The following EFTUD2 variants were observed in gnomAD, a reference collection of about 807,000 sequenced individuals.
The protein encoded by EFTUD2 is 116 kDa U5 small nuclear ribonucleoprotein component.
Under a neutral mutation model 114.3 loss-of-function variants are expected in EFTUD2, and 9 were observed. The ratio of observed to expected loss-of-function variants is 0.08; its 90% CI spans 0.05 to 0.14. The LOEUF is 0.14. Among genes scored for constraint, EFTUD2 ranks in the 10% least tolerant of loss-of-function variants. The probability of loss-of-function intolerance (pLI) is 1.00; values close to 1 mark genes in which losing one functional copy is unlikely to be tolerated. For synonymous variants in EFTUD2, 449 were observed against 462.3 expected (o/e 0.97, Z 0.37); for missense variants, 765 against 1,241.2 (o/e 0.62, Z 5.76).
At position 44,876,855 on chromosome 17, in the gene EFTUD2, C is replaced by CAAAAAAAAA. The variant is rs58892812; in HGVS notation, c.703-764_703-756dup. Among the ~76,000 whole-genome samples, 12 of 48,234 alleles carry CAAAAAAAAA rather than the reference C, an allele frequency of 2.5e-4. 1 individual carries two copies. Among genetic ancestry groups the CAAAAAAAAA allele is most frequent in the South Asian group, 1.0e-3 (1 of 986 alleles). 31.6% of individuals were successfully genotyped at this position (48,234 alleles called of 152,430 possible). ...TGGGCGACAGAGTGAGACTCCGTCT[C>CAAAAAAAAA]AAAAAAAAAAAAAAAAAAAAAAAAA... is the stretch of plus-strand genomic sequence containing the variant. On this transcript the variant is annotated intron_variant, in intron 9 of 27. Transcript: ENST00000426333.
At chr17:44,893,323 G>A (rs1280116940) in intron 2 of EFTUD2, among the ~76,000 whole-genome samples, 2 of 152,174 alleles carry the variant, frequency 1.3e-5, no homozygotes, top group Middle Eastern at 3.4e-3. Flanking sequence ...GGGTTTCACC[G>A]TATTGGTCAG....
Position 44,872,445 on chromosome 17 carries a change from C to T in EFTUD2, c.994+1G>A. On this transcript the variant is annotated splice_donor_variant, in intron 11 of 27. Coordinates refer to ENST00000426333, the MANE Select transcript of EFTUD2 (RefSeq NM_004247.4). LOFTEE classifies it high-confidence loss of function. ...GAGACAGACTGCCAGCCAGCGCTTA[C>T]CAAAGGTGTCGGCATAGATCTTGGC... 1 of 1,612,208 alleles carries T rather than the reference C, an allele frequency of 6.2e-7. No individual in the cohort carries two copies. Among genetic ancestry groups the T allele is most frequent in the Non-Finnish European group, 8.5e-7 (1 of 1,178,808 alleles).
At chr17:44,877,407 A>G (rs1382052602) in intron 9 of EFTUD2, among the ~76,000 whole-genome samples, 5 of 152,228 alleles carry the variant, frequency 3.3e-5, no homozygotes, top group African/African-American at 1.2e-4. Context: ...CGGAATCCAT[A>G]AGGACAGTAA....
intron 8 of EFTUD2, 104 bp downstream of exon 8, chr17:44,880,450 A>AT (rs2051052663): frequency 1.4e-6 from 1 of 739,730 alleles, no homozygotes; most frequent in Non-Finnish European, 2.3e-6. Flanking sequence ...AGGTGAGGGA[A>AT]TGTAAAAACA....
intron 11 of EFTUD2, among the ~76,000 whole-genome samples, chr17:44,869,154 T>C (rs1470463547): frequency 6.6e-6 from 1 of 152,210 alleles, no homozygotes. Context: ...AATTTTCAGC[T>C]AAACTCAAAA....
intron 9 of EFTUD2, 32 bp downstream of exon 9, chr17:44,879,524 G>A (rs372100750): frequency 1.2e-5 from 19 of 1,610,184 alleles, no homozygotes; most frequent in Non-Finnish European, 1.5e-5. Context: ...CATAACAGGT[G>A]GATGAGATTC....
chr17:44,892,949 A>T lies in EFTUD2; in HGVS notation c.105+1468T>A, dbSNP rs79470882. ...GACTGTAAACCTTATTTTCAAAAAG[A>T]AAAAAAAATGCTGGTTTATAAGACA... On this transcript the variant is annotated intron_variant, in intron 2 of 27. Coordinates refer to ENST00000426333, the MANE Select transcript of EFTUD2 (RefSeq NM_004247.4). 8.9e-3 allele frequency among the ~76,000 whole-genome samples: 1,343 copies of T among 151,616 alleles called. 17 individuals carry two copies. Among genetic ancestry groups the T allele is most frequent in the African/African-American group, 0.03 (1,258 of 41,330 alleles).
chr17:44,886,940 G>A (rs2145559763), intron 2 of EFTUD2, among the ~76,000 whole-genome samples, 190 bp from the exon 3 acceptor site: 1 of 152,264 alleles, frequency 6.6e-6, no homozygotes, highest in Middle Eastern at 3.4e-3. Context: ...CGAGGCCATG[G>A]ACAGTGCTCC....
At chr17:44,853,848 C>G (rs2050499663) in intron 23 of EFTUD2, 1 of 1,411,564 alleles carries the variant, frequency 7.1e-7, no homozygotes, top group African/African-American at 1.4e-5. Flanking sequence ...TTGCTTCAGG[C>G]CATGCTCAGA....
chr17:44,893,324 T>C (rs1478117756), intron 2 of EFTUD2, among the ~76,000 whole-genome samples: 3 of 152,160 alleles, frequency 2.0e-5, no homozygotes, highest in Non-Finnish European at 4.4e-5. Context: ...GGTTTCACCG[T>C]ATTGGTCAGG....
chr17:44,873,247 C>G (rs553997550), intron 10 of EFTUD2: 2 of 152,314 alleles, frequency 1.3e-5, no homozygotes, highest in Admixed American at 1.3e-4. Flanking sequence ...GCACTCTACC[C>G]CCAAGTTATG....
At chr17:44,861,192 G>C (rs2050652689) in intron 16 of EFTUD2, among the ~76,000 whole-genome samples, 1 of 152,164 alleles carries the variant, frequency 6.6e-6, no homozygotes, top group African/African-American at 2.4e-5. Context: ...TATAATCCCA[G>C]TGCTTTGGGA....
At chr17:44,863,608 G>C in intron 15 of EFTUD2, 47 bp downstream of exon 15, 1 of 1,593,988 alleles carries the variant, frequency 6.3e-7, no homozygotes, top group Non-Finnish European at 8.6e-7. Context: ...TCCCCACACA[G>C]GAAGGGGAAA....
chr17:44,875,357 T>C (rs1368661832), intron 10 of EFTUD2, among the ~76,000 whole-genome samples: 2 of 151,974 alleles, frequency 1.3e-5, no homozygotes, highest in Admixed American at 6.6e-5. Flanking sequence ...AGTGAAACCC[T>C]GTCTCTACTA....
chr17:44,877,799 C>G (rs919850843), intron 9 of EFTUD2, among the ~76,000 whole-genome samples: 3 of 147,264 alleles, frequency 2.0e-5, no homozygotes, highest in African/African-American at 7.6e-5. Context: ...GAGCAAGACT[C>G]CATCTCAAAA....
At chr17:44,883,791 G>C (rs2051116147) in intron 4 of EFTUD2, 67 bp from the exon 5 acceptor site, 3 of 1,518,038 alleles carry the variant, frequency 2.0e-6, no homozygotes, top group Non-Finnish European at 2.7e-6. Flanking sequence ...GTGGTGTAAA[G>C]GTGTTTCAGG....
chr17:44,852,731 T>A (rs562544717), intron 25 of EFTUD2, among the ~76,000 whole-genome samples, 169 bp from the exon 26 acceptor site: 9 of 152,254 alleles, frequency 5.9e-5, no homozygotes, highest in African/African-American at 2.2e-4. Flanking sequence ...GCTCTCAGTA[T>A]AATTCCCTGT....
At chr17:44,892,908 G>A (rs531555476) in intron 2 of EFTUD2, among the ~76,000 whole-genome samples, 2 of 151,564 alleles carry the variant, frequency 1.3e-5, no homozygotes, top group East Asian at 1.9e-4. Flanking sequence ...AATTACAGGC[G>A]TAAGCCACCA....
chr17:44,858,976 C>T, intron 19 of EFTUD2, 104 bp downstream of exon 19: 1 of 794,266 alleles, frequency 1.3e-6, no homozygotes, highest in Non-Finnish European at 2.2e-6. Context: ...TTTTCACAAA[C>T]ACATGTACTC....
Sources: allele counts gnomAD v4.1 joint callset (sites outside exome capture counted in the v4.1 genomes callset), GRCh38; gene constraint gnomAD v4.1.1; transcripts MANE v1.5; gene names NCBI Gene and HGNC (gene_info 2026-07-23, HGNC 2026-07-21).